The following NAALADL2 variants were observed in gnomAD, a reference collection of about 807,000 sequenced individuals.
The protein encoded by NAALADL2 is N-acetylated alpha-linked acidic dipeptidase like 2, also known as inactive N-acetylated-alpha-linked acidic dipeptidase-like protein 2.
In NAALADL2, 76 loss-of-function variants were observed where a neutral mutation model predicts 87.2. The ratio of observed to expected loss-of-function variants is 0.87; its 90% CI spans 0.72 to 1.05. The LOEUF (loss-of-function observed/expected upper bound fraction) is 1.05. Ranked by LOEUF, NAALADL2 falls within the 50% of genes least tolerant of loss-of-function variation. NAALADL2 has a pLI of 0.00. For missense variants in NAALADL2, 1,089 were observed against 945.8 expected, an observed-to-expected ratio of 1.15 and a Z score of -1.99; for synonymous variants, 354 against 331.0, an observed-to-expected ratio of 1.07 and a Z score of -0.75.
chr3:174,598,837 G>T (rs566384127), intron 2 of NAALADL2, among the ~76,000 whole-genome samples: 1 of 152,274 alleles, frequency 6.6e-6, no homozygotes, highest in Admixed American at 6.5e-5. Context: ...TTTTTGAAAT[G>T]CTAAGAGTGC....
chr3:175,351,485 A>G (rs143445920), intron 5 of NAALADL2, among the ~76,000 whole-genome samples: 1 of 152,004 alleles, frequency 6.6e-6, no homozygotes, highest in African/African-American at 2.4e-5. Context: ...TTGCTCACAT[A>G]CAACTACTAC....
intron 9 of NAALADL2, among the ~76,000 whole-genome samples, chr3:175,561,890 G>A (rs1716330282): frequency 6.6e-6 from 1 of 152,206 alleles, no homozygotes; most frequent in Non-Finnish European, 1.5e-5. Flanking sequence ...ACAGCATAAT[G>A]TAGACTTCAA....
intron 1 of NAALADL2, among the ~76,000 whole-genome samples, chr3:174,993,099 C>T (rs1746960591): frequency 6.6e-6 from 1 of 151,898 alleles, no homozygotes; most frequent in Non-Finnish European, 1.5e-5. Context: ...AAATCAATAT[C>T]TGGGGTCATT....
At chr3:175,278,779 G>A (rs760707246) in intron 4 of NAALADL2, among the ~76,000 whole-genome samples, 2 of 152,076 alleles carry the variant, frequency 1.3e-5, no homozygotes, top group South Asian at 2.1e-4. Flanking sequence ...TATTGCAAAC[G>A]CACTGTTTAA....
chr3:174,834,928 C>T (rs1354148266), intron 3 of NAALADL2, among the ~76,000 whole-genome samples: 1 of 151,610 alleles, frequency 6.6e-6, no homozygotes, highest in African/African-American at 2.4e-5. Flanking sequence ...TAAAAAATGA[C>T]AAGTTGATTC....
chr3:174,832,062 C>G (rs1034027399), intron 3 of NAALADL2, among the ~76,000 whole-genome samples: 10 of 152,036 alleles, frequency 6.6e-5, no homozygotes, highest in African/African-American at 2.4e-4. Flanking sequence ...AAAACCAGCT[C>G]CTGGGTTCAT....
chr3:175,351,416 A>G (rs1763760643), intron 5 of NAALADL2, among the ~76,000 whole-genome samples: 1 of 152,060 alleles, frequency 6.6e-6, no homozygotes, highest in Non-Finnish European at 1.5e-5. Flanking sequence ...ATAACATTAT[A>G]TGTATGTATA....
intron 1 of NAALADL2, among the ~76,000 whole-genome samples, chr3:174,477,149 C>T (rs1342457826): frequency 3.3e-5 from 5 of 151,942 alleles, no homozygotes; most frequent in Non-Finnish European, 7.4e-5. Context: ...CATCTATACA[C>T]ATTAGATTTG....
chr3:175,474,916 C>G (rs1042895031), intron 9 of NAALADL2, among the ~76,000 whole-genome samples: 2 of 151,938 alleles, frequency 1.3e-5, no homozygotes, highest in African/African-American at 4.8e-5. Context: ...CCCCAAGTCC[C>G]CAGCACCTTA....
intron 2 of NAALADL2, among the ~76,000 whole-genome samples, chr3:174,696,107 T>G (rs1728986301): frequency 6.6e-6 from 1 of 152,028 alleles, no homozygotes; most frequent in African/African-American, 2.4e-5. Flanking sequence ...TACTTTTAAA[T>G]TAGTTTGGAT....
At chr3:175,198,673 C>T (rs370980804) in intron 2 of NAALADL2, among the ~76,000 whole-genome samples, 31 of 152,022 alleles carry the variant, frequency 2.0e-4, no homozygotes, top group African/African-American at 7.2e-4. Context: ...TAAAGTTAAG[C>T]AAAAGGACTT....
chr3:175,138,872 AT>A (rs1729542056), intron 2 of NAALADL2, among the ~76,000 whole-genome samples: 1 of 132,224 alleles, frequency 7.6e-6, no homozygotes, highest in African/African-American at 3.1e-5. Context: ...CAGAAAAAAA[AT>A]TTCAGCCTTT....
chr3:174,471,706 A>G (rs1307458473), intron 1 of NAALADL2, among the ~76,000 whole-genome samples: 1 of 152,010 alleles, frequency 6.6e-6, no homozygotes, highest in Non-Finnish European at 1.5e-5. Flanking sequence ...GGTTGCTTTA[A>G]CTTTGTATGC....
intron 10 of NAALADL2, among the ~76,000 whole-genome samples, chr3:175,597,252 A>G (rs554430647): frequency 3.9e-5 from 6 of 151,992 alleles, no homozygotes; most frequent in Non-Finnish European, 8.8e-5. Flanking sequence ...TGGGATTTCC[A>G]TTCCTTTAAT....
At chr3:175,262,894 T>G (rs1451402645) in intron 4 of NAALADL2, among the ~76,000 whole-genome samples, 1 of 151,650 alleles carries the variant, frequency 6.6e-6, no homozygotes, top group African/African-American at 2.4e-5. Context: ...AGACATTTTA[T>G]GAACAAAAAT....
At chr3:174,911,354 A>G (rs1272936101) in intron 1 of NAALADL2, among the ~76,000 whole-genome samples, 1 of 152,180 alleles carries the variant, frequency 6.6e-6, no homozygotes, top group Non-Finnish European at 1.5e-5. Context: ...ATATTTGTGC[A>G]TTTGGTTAAA....
intron 2 of NAALADL2, among the ~76,000 whole-genome samples, chr3:175,132,027 C>T (rs371302743): frequency 0.061 from 6,330 of 104,446 alleles, 848 homozygotes; most frequent in Non-Finnish European, 0.081. Flanking sequence ...CCGGACGGGG[C>T]GGCTGGCCAG....
At chr3:175,258,525 A>T (rs1299333797) in intron 4 of NAALADL2, among the ~76,000 whole-genome samples, 2 of 152,128 alleles carry the variant, frequency 1.3e-5, no homozygotes, top group African/African-American at 4.8e-5. Flanking sequence ...AAACGTGAAC[A>T]TTTCAAAGTT....
intron 11 of NAALADL2, among the ~76,000 whole-genome samples, chr3:175,681,297 A>G (rs1005583785): frequency 3.9e-5 from 6 of 152,204 alleles, no homozygotes; most frequent in Admixed American, 6.5e-5. Context: ...AGTACAGTAT[A>G]ATGCATACTC....
Sources: gnomAD v4.1 joint callset for allele counts (sites outside exome capture counted in the v4.1 genomes callset) on GRCh38, gnomAD v4.1.1 for gene constraint, MANE v1.5 for transcripts, NCBI Gene and HGNC (gene_info 2026-07-23, HGNC 2026-07-21) for gene names.